The following GALNT17 variants were observed in gnomAD, a reference collection of about 807,000 sequenced individuals.
GALNT17 encodes the protein polypeptide N-acetylgalactosaminyltransferase 17.
Under a neutral mutation model 63.7 loss-of-function variants are expected in GALNT17, and 29 were observed. That is an observed-to-expected ratio of 0.46 (90% CI 0.34 to 0.62). The LOEUF (loss-of-function observed/expected upper bound fraction) is 0.62. Ranked by LOEUF, GALNT17 falls within the 20% of genes least tolerant of loss-of-function variation. The pLI is 0.01. For synonymous variants in GALNT17, 305 were observed against 318.3 expected, an observed-to-expected ratio of 0.96 and a Z score of 0.45; for missense variants, 603 against 799.6, an observed-to-expected ratio of 0.75 and a Z score of 2.97.
intron 1 of GALNT17, among the ~76,000 whole-genome samples, chr7:71,298,849 C>T (rs948304152): frequency 1.3e-5 from 2 of 151,944 alleles, no homozygotes; most frequent in Non-Finnish European, 2.9e-5. Flanking sequence ...CCAATTCAAC[C>T]CTAAGATATA....
intron 9 of GALNT17, among the ~76,000 whole-genome samples, chr7:71,688,342 C>T (rs1791392436): frequency 6.6e-6 from 1 of 152,180 alleles, no homozygotes; most frequent in Non-Finnish European, 1.5e-5. Context: ...TTCGTTCCTG[C>T]CTCCTGGGCC....
At chr7:71,237,001 C>T (rs1007062340) in intron 1 of GALNT17, among the ~76,000 whole-genome samples, 5 of 152,134 alleles carry the variant, frequency 3.3e-5, no homozygotes, top group African/African-American at 4.8e-5. Flanking sequence ...TCTCATGCAT[C>T]GCCTGCCAGA....
intron 1 of GALNT17, among the ~76,000 whole-genome samples, chr7:71,250,484 G>T (rs144680190): frequency 7.9e-5 from 12 of 151,896 alleles, no homozygotes; most frequent in Non-Finnish European, 1.5e-4. Context: ...GGAGGCTTTC[G>T]TGCCCTTTGC....
At chr7:71,427,331 C>T (rs1786778228) in intron 5 of GALNT17, among the ~76,000 whole-genome samples, 1 of 151,904 alleles carries the variant, frequency 6.6e-6, no homozygotes, top group Non-Finnish European at 1.5e-5. Context: ...CTCCTGACCT[C>T]GTGATCTGCC....
chr7:71,439,478 C>G (rs1787026378), intron 5 of GALNT17, among the ~76,000 whole-genome samples: 1 of 152,166 alleles, frequency 6.6e-6, no homozygotes, highest in Non-Finnish European at 1.5e-5. Context: ...TGCCCTAGAG[C>G]TGGAGCAACA....
chr7:71,713,520 C>G lies in GALNT17; in HGVS notation c.*1374C>G, dbSNP rs137873626. ...GCCCTGTGTGGGATTCGCAGTGTCT[C>G]ATTTGGTGACGTCTTACTGGTGATC... is the stretch of plus-strand genomic sequence containing the variant. On this transcript the variant is annotated 3_prime_UTR_variant, in exon 11 of 11. Transcript: ENST00000333538. 1 of 152,588 alleles carries G rather than the reference C, an allele frequency of 6.6e-6. No homozygotes were observed. The highest frequency in any genetic ancestry group is 1.9e-4 in the East Asian group (1 of 5,172). 9.5% of individuals were successfully genotyped at this position (152,588 alleles called of 1,614,324 possible).
At chr7:71,383,873 G>C (rs1323073201) in intron 2 of GALNT17, among the ~76,000 whole-genome samples, 1 of 152,118 alleles carries the variant, frequency 6.6e-6, no homozygotes, top group Non-Finnish European at 1.5e-5. Context: ...TGAACACCTG[G>C]ATTGCTTCCA....
intron 1 of GALNT17, among the ~76,000 whole-genome samples, chr7:71,256,558 T>C (rs2115591270): frequency 6.6e-6 from 1 of 151,948 alleles, no homozygotes; most frequent in Admixed American, 6.5e-5. Context: ...GGCGACAGAG[T>C]GAGACTCCGT....
At chr7:71,665,830 T>A (rs1790976866) in intron 7 of GALNT17, among the ~76,000 whole-genome samples, 1 of 152,110 alleles carries the variant, frequency 6.6e-6, no homozygotes, top group African/African-American at 2.4e-5. Flanking sequence ...AGGGTCTTAG[T>A]GTGTTAATCC....
At chr7:71,653,407 G>A (rs1410163120) in intron 6 of GALNT17, among the ~76,000 whole-genome samples, 1 of 139,828 alleles carries the variant, frequency 7.2e-6, no homozygotes, top group Non-Finnish European at 1.6e-5. Context: ...ACCTATAAAA[G>A]TAGGACTTTT....
chr7:71,162,107 TCCTCCCTCCCTCCCTC>T (rs1246321851), intron 1 of GALNT17, among the ~76,000 whole-genome samples: 2 of 73,384 alleles, frequency 2.7e-5, no homozygotes, highest in South Asian at 6.5e-4. Flanking sequence ...CTCCCTTCCT[TCCTCCCTCCCTCCCTC>T]CCTTCCTTCC....
intron 1 of GALNT17, among the ~76,000 whole-genome samples, chr7:71,154,181 G>A (rs550572647): frequency 3.3e-5 from 5 of 151,986 alleles, no homozygotes; most frequent in East Asian, 1.9e-4. Flanking sequence ...TACCGGCTTC[G>A]CTGAAGCCCC....
chr7:71,562,531 A>C (rs977153723), intron 5 of GALNT17, among the ~76,000 whole-genome samples: 25 of 152,166 alleles, frequency 1.6e-4, no homozygotes, highest in African/African-American at 6.0e-4. Context: ...TTAGATTCTC[A>C]TAAGCAGCTC....
At chr7:71,238,207 C>T (rs759990925) in intron 1 of GALNT17, among the ~76,000 whole-genome samples, 4 of 152,308 alleles carry the variant, frequency 2.6e-5, no homozygotes, top group East Asian at 3.9e-4. Context: ...GAGAGAGCCC[C>T]AGAGGAACTG....
At chr7:71,183,924 G>A (rs1483916961) in intron 1 of GALNT17, among the ~76,000 whole-genome samples, 6 of 152,036 alleles carry the variant, frequency 3.9e-5, no homozygotes, top group African/African-American at 1.2e-4. Flanking sequence ...AGCAGCAGCA[G>A]GGACAACCAC....
intron 1 of GALNT17, among the ~76,000 whole-genome samples, chr7:71,189,253 A>C (rs1261955224): frequency 6.6e-6 from 1 of 152,066 alleles, no homozygotes; most frequent in Non-Finnish European, 1.5e-5. Flanking sequence ...GCCATGTAAG[A>C]TGTGCCTTTC....
intron 1 of GALNT17, among the ~76,000 whole-genome samples, chr7:71,201,560 T>C (rs1789171703): frequency 1.3e-5 from 2 of 152,014 alleles, no homozygotes; most frequent in South Asian, 4.1e-4. Flanking sequence ...AAGTTTGTTT[T>C]TCTCCATTTT....
At chr7:71,251,811 C>T (rs573552187) in intron 1 of GALNT17, among the ~76,000 whole-genome samples, 5 of 152,338 alleles carry the variant, frequency 3.3e-5, no homozygotes, top group Admixed American at 1.3e-4. Flanking sequence ...AGCGTCAGCT[C>T]TGCCCTGTGA....
chr7:71,355,652 C>T (rs1214675397), intron 2 of GALNT17, among the ~76,000 whole-genome samples: 2 of 151,934 alleles, frequency 1.3e-5, no homozygotes, highest in Non-Finnish European at 2.9e-5. Context: ...CCTGCCTCAG[C>T]CTTCCGAGTA....
Sources: allele counts gnomAD v4.1 joint callset (sites outside exome capture counted in the v4.1 genomes callset), GRCh38; gene constraint gnomAD v4.1.1; transcripts MANE v1.5; gene names NCBI Gene and HGNC (gene_info 2026-07-23, HGNC 2026-07-21).